The following ANKRD30B variants were observed in gnomAD, a reference collection of about 807,000 sequenced individuals.
ANKRD30B encodes ankyrin repeat domain-containing protein 30B.
In ANKRD30B, 144 loss-of-function variants were observed where a neutral mutation model predicts 202.2. That is an observed-to-expected ratio of 0.71 (90% CI 0.62 to 0.82). The LOEUF (loss-of-function observed/expected upper bound fraction) is 0.82, where lower values mean the gene tolerates loss of function less well. Among genes scored for constraint, ANKRD30B ranks in the 40% least tolerant of loss-of-function variants. The pLI is 0.00. For missense variants in ANKRD30B, 1,487 were observed against 1,669.1 expected, an observed-to-expected ratio of 0.89 and a Z score of 1.90; for synonymous variants, 508 against 561.3, an observed-to-expected ratio of 0.91 and a Z score of 1.34.
At chr18:14,914,902 G>A in the ANKRD30B span, among the ~76,000 whole-genome samples, 2 of 152,274 alleles carry the variant, frequency 1.3e-5, no homozygotes, top group South Asian at 4.2e-4. Context: ...GACAACATTA[G>A]TGTGTCATCC....
rs1026881082 is a variant in ANKRD30B, at chr18:14,769,365, T to C, written c.1248T>C (p.Pro416=). The C allele has an allele frequency of 1.3e-6, 2 of 1,544,700 alleles. No individual in the cohort carries two copies. Among genetic ancestry groups the C allele is most frequent in the African/African-American group, 1.4e-5 (1 of 72,818 alleles). Residue 416 remains proline, a synonymous_variant, in exon 8 of 44, where the codon CCT becomes CCC. Transcript: ENST00000690538. The part of the protein sequence containing the change: ...STNVDVSSVE[P]IFSLFGTRTI... ...TAGTGGATGTGAGTTCTGTAGAGCC[T>C]ATATTCAGGTAAGACTTTGCGGTTT...
chr18:14,751,579 A>G (rs781087012), intron 1 of ANKRD30B, among the ~76,000 whole-genome samples: 23 of 152,280 alleles, frequency 1.5e-4, no homozygotes, highest in Middle Eastern at 3.4e-3. Context: ...CTAAATAGTA[A>G]TATTAATCAT....
At chr18:14,788,082 A>G (rs1301308877) in intron 15 of ANKRD30B, among the ~76,000 whole-genome samples, 1 of 152,092 alleles carries the variant, frequency 6.6e-6, no homozygotes, top group Non-Finnish European at 1.5e-5. Flanking sequence ...TATATGACAG[A>G]CTCTAAAAGT....
chr18:14,791,508 A>G lies in ANKRD30B; in HGVS notation c.1825+17A>G. 2 of 1,581,968 alleles carry G rather than the reference A, an allele frequency of 1.3e-6. No individual in the cohort carries two copies. Among genetic ancestry groups the G allele is most frequent in the South Asian group, 2.3e-5 (2 of 88,172 alleles). ...AATTAGAAGGTAAGAACCATTTTTT[A>G]ATTAAAAAGTCATTTGACCAAATAT... is the stretch of plus-strand genomic sequence containing the variant. On this transcript the variant is annotated intron_variant, in intron 16 of 43. Transcript: ENST00000690538.
At chr18:14,766,472 C>CAAAAAAAAAAAAAA (rs1168681924) in intron 7 of ANKRD30B, among the ~76,000 whole-genome samples, 4 of 55,592 alleles carry the variant, frequency 7.2e-5, no homozygotes, top group African/African-American at 1.3e-4. Flanking sequence ...GACTCCATCT[C>CAAAAAAAAAAAAAA]AAAAAAAAAA....
At chr18:14,764,547 C>T (rs1915791750) in intron 7 of ANKRD30B, among the ~76,000 whole-genome samples, 1 of 144,378 alleles carries the variant, frequency 6.9e-6, no homozygotes, top group Admixed American at 7.1e-5. Flanking sequence ...GCACCCACCA[C>T]CACACCTGGC....
At chr18:14,918,959 AG>A in the ANKRD30B span, among the ~76,000 whole-genome samples, 2 of 152,336 alleles carry the variant, frequency 1.3e-5, no homozygotes, top group South Asian at 2.1e-4. Context: ...TTGCCATTCC[AG>A]CTTCTGCCAT....
Position 14,784,959 on chromosome 18 carries a change from T to C in ANKRD30B, c.1672+424T>C, listed in dbSNP as rs374178455. 7.2e-5 allele frequency among the ~76,000 whole-genome samples: 11 copies of C among 152,272 alleles called. No individual in the cohort carries two copies. The East Asian group carries it at 7.7e-4, about 11-fold the overall frequency. On this transcript the variant is annotated intron_variant, in intron 14 of 43. Transcript: ENST00000690538. ...TTACCTCATTTCCGGTGTTGTCACT[T>C]TGGGAATCTTAAGAAACTCAGTAAC...
intron 30 of ANKRD30B, among the ~76,000 whole-genome samples, chr18:14,820,439 C>G (rs1446734397): frequency 6.6e-6 from 1 of 152,118 alleles, no homozygotes; most frequent in African/African-American, 2.4e-5. Context: ...CTGTATTGTG[C>G]CAGTTTTCAA....
At position 14,752,891 on chromosome 18, in the gene ANKRD30B, C is replaced by G; in HGVS notation, c.389C>G (p.Ala130Gly). The G allele has an allele frequency of 6.2e-7, 1 of 1,608,040 alleles. No individual in the cohort carries two copies. Among genetic ancestry groups the G allele is most frequent in the Non-Finnish European group, 8.5e-7 (1 of 1,176,714 alleles). Residue 130 changes from alanine (A) to glycine (G), a missense_variant, in exon 3 of 44, where the codon GCT becomes GGT. Ala to Gly is a moderately conservative substitution (Grantham distance 60). Around this residue, in one of 6 missense-constraint regions of ANKRD30B, gnomAD observed 889 missense variants for 841.4 expected, o/e 1.06. Transcript: ENST00000690538. ...GCAAATATTCTCATAGATGCTGGTG[C>G]TGATCTAAATTATGTAGATGTGTAT... ...ACANILIDAG[A>G]DLNYVDVYGN...
At chr18:14,755,257 T>C (rs1430181168) in intron 4 of ANKRD30B, among the ~76,000 whole-genome samples, 1 of 152,136 alleles carries the variant, frequency 6.6e-6, no homozygotes, top group Non-Finnish European at 1.5e-5. Context: ...TTGGTTGCAT[T>C]ATTTTCTATT....
At position 14,797,627 on chromosome 18, in the gene ANKRD30B, A is replaced by G. The variant is rs73959412; in HGVS notation, c.1928-34A>G. ...GTTTGGTAGGCTTTGTCAGGCTTGC[A>G]TATAATCAATTATAAATGTCCCTTT... On this transcript the variant is annotated intron_variant, in intron 18 of 43. Transcript: ENST00000690538. The G allele has an allele frequency of 2.2e-4, 356 of 1,589,138 alleles. 1 individual carries two copies. The African/African-American group carries it at 4.3e-3, about 19-fold the overall frequency.
chr18:14,757,923 A>C lies in ANKRD30B; in HGVS notation c.726A>C (p.Glu242Asp). The change falls in exon 5 of 44, where the codon GAA (glutamate) becomes GAC (aspartate). Residue 242 changes from glutamate to aspartate, a missense_variant. Around this residue, in one of 6 missense-constraint regions of ANKRD30B, gnomAD observed 889 missense variants for 841.4 expected, o/e 1.06. Coordinates refer to ENST00000690538, the MANE Select transcript of ANKRD30B (RefSeq NM_001367607.2). ...AAGACATACATGGAATAACTGCAGA[A>C]CGTTATGCTGCTGCTTGTGGAGTTA... ...FAEDIHGITAERYAAACGVNY... is the reference protein window; with the variant it reads ...FAEDIHGITADRYAAACGVNY... The C allele has an allele frequency of 6.2e-7, 1 of 1,606,772 alleles. No homozygotes were observed. The highest frequency in any genetic ancestry group is 8.5e-7 in the Non-Finnish European group (1 of 1,176,118).
chr18:14,927,436 C>T, the ANKRD30B span, among the ~76,000 whole-genome samples: 1 of 152,146 alleles, frequency 6.6e-6, no homozygotes, highest in Non-Finnish European at 1.5e-5. Flanking sequence ...GCATCCTGCA[C>T]ATACTGAGCA....
At chr18:14,836,200 A>T (rs181958003) in intron 34 of ANKRD30B, among the ~76,000 whole-genome samples, 4 of 152,246 alleles carry the variant, frequency 2.6e-5, no homozygotes, top group Middle Eastern at 3.4e-3. Flanking sequence ...ATTTATCTAG[A>T]TCTTTCTTCT....
chr18:14,809,473 G>GC, intron 26 of ANKRD30B, among the ~76,000 whole-genome samples: 1 of 150,818 alleles, frequency 6.6e-6, no homozygotes, highest in East Asian at 1.9e-4. Flanking sequence ...CCCTAAAGAG[G>GC]CCTAGAAGAG....
the ANKRD30B span, among the ~76,000 whole-genome samples, chr18:14,932,585 G>A: frequency 1.3e-5 from 2 of 151,940 alleles, no homozygotes; most frequent in Non-Finnish European, 2.9e-5. Context: ...TGATCCGCCC[G>A]CTTCCCCCTC....
chr18:14,838,230 T>C (rs965486029), intron 36 of ANKRD30B, among the ~76,000 whole-genome samples: 7 of 152,204 alleles, frequency 4.6e-5, no homozygotes, highest in Admixed American at 6.5e-5. Flanking sequence ...AAAAACTAAA[T>C]GATTTCTCCA....
the ANKRD30B span, among the ~76,000 whole-genome samples, chr18:14,881,430 A>G: frequency 6.6e-6 from 1 of 152,086 alleles, no homozygotes; most frequent in Non-Finnish European, 1.5e-5. Context: ...TTGGTATGAA[A>G]CACACTTGAT....
Sources: allele counts gnomAD v4.1 joint callset (sites outside exome capture counted in the v4.1 genomes callset), GRCh38; gene constraint gnomAD v4.1.1; regional missense constraint gnomAD v4.1.1; transcripts MANE v1.5; gene names NCBI Gene and HGNC (gene_info 2026-07-23, HGNC 2026-07-21).